SMARCA2: variants seen among roughly 807,000 people sequenced by gnomAD.
SMARCA2 encodes SWI/SNF-related matrix-associated actin-dependent regulator of chromatin subfamily A member 2.
SMARCA2 carries 61 observed loss-of-function variants against 199.8 expected under a neutral mutation model. That is an observed-to-expected ratio of 0.31 (90% CI 0.25 to 0.38). The LOEUF is 0.38. Among genes scored for constraint, SMARCA2 ranks in the 10% least tolerant of loss-of-function variants. SMARCA2 has a pLI of 1.00. For synonymous variants in SMARCA2, 935 were observed against 732.0 expected, an observed-to-expected ratio of 1.28 and a Z score of -4.48; for missense variants, 1,344 against 2,012.2, an observed-to-expected ratio of 0.67 and a Z score of 6.35.
chr9:2,026,752 G>A (rs1818848732), intron 1 of SMARCA2, among the ~76,000 whole-genome samples: 4 of 152,208 alleles, frequency 2.6e-5, no homozygotes, highest in Non-Finnish European at 5.9e-5. Flanking sequence ...TCATATACAT[G>A]AAAGAGCATT....
At position 2,103,772 on chromosome 9, in the gene SMARCA2, A is replaced by T. The variant is rs193224636; in HGVS notation, c.3126-231A>T. ...CCTTTTCTTTCTAGAACCTGTCATC[A>T]TACCTAGTATATGCAATGCACTTTT... On this transcript the variant is annotated intron_variant, in intron 22 of 33. Coordinates refer to ENST00000349721, the MANE Select transcript of SMARCA2 (RefSeq NM_003070.5). 1.8e-4 allele frequency among the ~76,000 whole-genome samples: 28 copies of T among 152,190 alleles called. No homozygotes were observed. The highest frequency in any genetic ancestry group is 4.6e-4 in the Admixed American group (7 of 15,278).
chr9:2,052,600 G>C (rs1238153561), intron 5 of SMARCA2, among the ~76,000 whole-genome samples: 1 of 152,140 alleles, frequency 6.6e-6, no homozygotes, highest in African/African-American at 2.4e-5. Flanking sequence ...ACAAGAATCA[G>C]TCTTAGATAC....
chr9:2,038,876 A>T (rs147885668), intron 3 of SMARCA2, among the ~76,000 whole-genome samples: 1 of 152,216 alleles, frequency 6.6e-6, no homozygotes, highest in Non-Finnish European at 1.5e-5. Flanking sequence ...TATTCATAAC[A>T]TGCATAATAA....
Position 2,058,304 on chromosome 9 carries a change from G to A in SMARCA2, c.1361G>A (p.Ser454Asn). The A allele has an allele frequency of 6.2e-7, 1 of 1,614,042 alleles. No individual in the cohort carries two copies. ...RRQKHQEYLN[S>N]ILQHAKDFKE... is the part of the protein sequence containing the mutation. ...TGGATCTTCTAGGAATACCTGAACA[G>A]TATTTTGCAACATGCAAAAGATTTT... Residue 454 changes from serine (S) to asparagine (N), a missense_variant, in exon 8 of 34, where the codon AGT (serine) becomes AAT (asparagine). By Grantham distance (46) the Ser-to-Asn change is conservative. Transcript: ENST00000349721.
chr9:2,053,632 C>T (rs1014632739), intron 5 of SMARCA2, among the ~76,000 whole-genome samples: 1 of 152,290 alleles, frequency 6.6e-6, no homozygotes, highest in African/African-American at 2.4e-5. Flanking sequence ...TATTAGCCTA[C>T]TTTAACTTAT....
At chr9:2,153,400 G>A (rs1586761600) in intron 27 of SMARCA2, among the ~76,000 whole-genome samples, 1 of 152,104 alleles carries the variant, frequency 6.6e-6, no homozygotes, top group Admixed American at 6.5e-5. Context: ...AGGCATGGTG[G>A]TGTGCGCCTG....
At chr9:2,062,337 C>T (rs953825401) in intron 9 of SMARCA2, among the ~76,000 whole-genome samples, 2 of 152,118 alleles carry the variant, frequency 1.3e-5, no homozygotes, top group African/African-American at 4.8e-5. Context: ...CTAATTCAGC[C>T]ATGTGTTCTG....
rs140306872 is a variant in SMARCA2, at chr9:2,107,046, T to C, written c.3292+2877T>C. ...GCCACTTGCAAGGAGTGTCTGCCTT[T>C]GGATAGACTGTTACATGGTAGTTTG... On this transcript the variant is annotated intron_variant, in intron 23 of 33. Coordinates refer to ENST00000349721, the MANE Select transcript of SMARCA2 (RefSeq NM_003070.5). 9.6e-4 allele frequency among the ~76,000 whole-genome samples: 146 copies of C among 152,278 alleles called. 1 individual carries two copies. The highest frequency in any genetic ancestry group is 3.0e-3 in the African/African-American group (124 of 41,566).
Position 2,186,103 on chromosome 9 carries a change from A to G in SMARCA2, c.4469A>G (p.Glu1490Gly). The change falls in exon 32 of 34, where the codon GAA becomes GGA. Residue 1490 changes from glutamate (E) to glycine (G), a missense_variant. Glu to Gly is a moderately conservative substitution (Grantham distance 98, BLOSUM62 -2). Around this residue, in one of 18 missense-constraint regions of SMARCA2, gnomAD observed 155 missense variants for 121.1 expected, o/e 1.28. Transcript: ENST00000349721. ...TFNLEGSQIY[E>G]DSIVLQSVFK... ...GCCCCTTTGACCATTTAGATCTATG[A>G]AGACTCCATCGTCTTACAGTCAGTG... 6.2e-7 allele frequency: 1 copy of G among 1,614,034 alleles called. No individual in the cohort carries two copies.
intron 28 of SMARCA2, among the ~76,000 whole-genome samples, chr9:2,166,581 T>C (rs1825939635): frequency 6.6e-6 from 1 of 152,228 alleles, no homozygotes; most frequent in African/African-American, 2.4e-5. Flanking sequence ...CATCCTTGCA[T>C]GATGCTGTAC....
chr9:2,192,788 T>C lies in SMARCA2; in HGVS notation c.*49T>C. 1.5e-6 allele frequency: 2 copies of C among 1,376,182 alleles called. No homozygotes were observed. Among genetic ancestry groups the C allele is most frequent in the Non-Finnish European group, 2.1e-6 (2 of 963,838 alleles). 85.2% of individuals were successfully genotyped at this position (1,376,182 alleles called of 1,614,324 possible). A position where few individuals can be genotyped will look rare whatever the true frequency, so the allele number is the denominator to read the frequency against. ...TAGAACTGAATTCCTTCCTCCCCTG[T>C]CTCATTTCTACCCAGTGAGTTCATT... On this transcript the variant is annotated 3_prime_UTR_variant, in exon 34 of 34. Transcript: ENST00000349721.
At chr9:2,181,482 CT>C in intron 29 of SMARCA2, 88 bp from the exon 30 acceptor site, 1 of 737,544 alleles carries the variant, frequency 1.4e-6, no homozygotes, top group Middle Eastern at 2.3e-4. Context: ...ATATAATTTA[CT>C]TTGTTGACAT....
intron 5 of SMARCA2, among the ~76,000 whole-genome samples, chr9:2,054,208 A>C (rs1031597915): frequency 3.9e-5 from 6 of 152,214 alleles, no homozygotes; most frequent in Admixed American, 6.5e-5. Context: ...GGAAGAAAAA[A>C]GTCTGTGCTC....
At position 2,119,546 on chromosome 9, in the gene SMARCA2, A is replaced by G; in HGVS notation, c.3762+11A>G. 1.3e-6 allele frequency: 2 copies of G among 1,580,460 alleles called. No individual in the cohort carries two copies. The highest frequency in any genetic ancestry group is 8.7e-7 in the Non-Finnish European group (1 of 1,149,604). On this transcript the variant is annotated intron_variant, in intron 26 of 33. Coordinates refer to ENST00000349721, the MANE Select transcript of SMARCA2 (RefSeq NM_003070.5). This position sits in a 1 kb window ranked among gnomAD's most constrained non-coding sequence, Gnocchi z 4.6. ...TTTGACCTTTTTATGGTAATGTTAC[A>G]GAAAATCATGAACACAAATGCTTTA...
chr9:2,077,873 G>T (rs1184946067), intron 14 of SMARCA2, 97 bp downstream of exon 14: 9 of 1,124,550 alleles, frequency 8.0e-6, no homozygotes, highest in Non-Finnish European at 1.2e-5. Flanking sequence ...GGCTTTTGAT[G>T]ATATTTTAGG....
chr9:2,033,714 T>C (rs1333397225), intron 3 of SMARCA2, among the ~76,000 whole-genome samples: 2 of 152,252 alleles, frequency 1.3e-5, no homozygotes, highest in Admixed American at 1.3e-4. Flanking sequence ...ATGCTCTCTC[T>C]GAAGGCTTTA....
chr9:2,165,861 G>A (rs1277381466), intron 28 of SMARCA2, among the ~76,000 whole-genome samples: 1 of 152,118 alleles, frequency 6.6e-6, no homozygotes, highest in Admixed American at 6.5e-5. Context: ...TATTAACGTT[G>A]GAAGGGATGT....
chr9:2,092,173 TATC>T (rs1176486559), intron 19 of SMARCA2, among the ~76,000 whole-genome samples: 2 of 152,250 alleles, frequency 1.3e-5, no homozygotes, highest in Non-Finnish European at 2.9e-5. Context: ...TGTTAATTCA[TATC>T]ATCAAGAACC....
chr9:2,090,504 A>C (rs936414745), intron 19 of SMARCA2, among the ~76,000 whole-genome samples: 3 of 152,178 alleles, frequency 2.0e-5, no homozygotes, highest in African/African-American at 7.2e-5. Context: ...AATGGGTCTT[A>C]GTGTTCTCAT....
Sources: allele counts gnomAD v4.1 joint callset (sites outside exome capture counted in the v4.1 genomes callset), GRCh38; gene constraint gnomAD v4.1.1; regional missense constraint gnomAD v4.1.1; non-coding constraint Gnocchi (gnomAD v3.1); transcripts MANE v1.5; gene names NCBI Gene and HGNC (gene_info 2026-07-23, HGNC 2026-07-21).